Variants in COL11A1 observed in about 807,000 individuals in gnomAD.
COL11A1 encodes collagen alpha-1(XI) chain.
Under a neutral mutation model 265.2 loss-of-function variants are expected in COL11A1, and 74 were observed. The ratio of observed to expected loss-of-function variants is 0.28; its 90% CI spans 0.23 to 0.34. COL11A1 has a LOEUF of 0.34. Among genes scored for constraint, COL11A1 ranks in the 10% least tolerant of loss-of-function variants. The pLI is 1.00. For missense variants in COL11A1, 2,165 were observed against 2,263.6 expected, an observed-to-expected ratio of 0.96 and a Z score of 0.88; for synonymous variants, 816 against 727.6, an observed-to-expected ratio of 1.12 and a Z score of -1.96.
intron 62 of COL11A1, 50 bp downstream of exon 62, chr1:102,888,527 G>T: frequency 6.5e-7 from 1 of 1,531,688 alleles, no homozygotes; most frequent in Non-Finnish European, 9.0e-7. Context: ...ATCATTGGCA[G>T]CTTCCAGATG....
At chr1:103,043,410 C>T (rs974676958) in intron 4 of COL11A1, among the ~76,000 whole-genome samples, 1 of 151,834 alleles carries the variant, frequency 6.6e-6, no homozygotes, top group Non-Finnish European at 1.5e-5. Context: ...ACCAGTCAAT[C>T]TATTTTGTTC....
intron 4 of COL11A1, among the ~76,000 whole-genome samples, chr1:103,064,053 A>G (rs2102216287): frequency 6.6e-6 from 1 of 152,316 alleles, no homozygotes; most frequent in African/African-American, 2.4e-5. Context: ...CAAATTCAAA[A>G]CAGTGATGAC....
chr1:102,890,185 T>G (rs144880078), intron 58 of COL11A1, among the ~76,000 whole-genome samples: 427 of 152,244 alleles, frequency 2.8e-3, no homozygotes, highest in Non-Finnish European at 4.7e-3. Flanking sequence ...TGAATAGTTA[T>G]TTTAGTATAA....
chr1:102,972,456 G>T (rs1488405520), intron 36 of COL11A1, among the ~76,000 whole-genome samples: 1 of 152,048 alleles, frequency 6.6e-6, no homozygotes, highest in African/African-American at 2.4e-5. Flanking sequence ...TAGACTGAGG[G>T]AGTAGTGTTA....
intron 1 of COL11A1, among the ~76,000 whole-genome samples, chr1:103,085,650 A>C (rs2102339514): frequency 6.6e-6 from 1 of 152,338 alleles, no homozygotes. Flanking sequence ...CAAAACATTC[A>C]GAGTAGACCA....
intron 4 of COL11A1, among the ~76,000 whole-genome samples, chr1:103,045,694 T>C (rs1447418379): frequency 2.0e-5 from 3 of 152,136 alleles, no homozygotes; most frequent in Non-Finnish European, 4.4e-5. Flanking sequence ...TGTAGACGTG[T>C]GCCATATTGG....
chr1:102,889,342 T>A lies in COL11A1; in HGVS notation c.4464+113A>T, dbSNP rs1570637391. The stretch of plus-strand genomic sequence containing the variant: ...AGAACATTACTGACTTAAATTAGAA[T>A]TAAGACACTCTAAATTCTTTCTTTG... On this transcript the variant is annotated intron_variant, in intron 59 of 66. Coordinates refer to ENST00000370096, the MANE Select transcript of COL11A1 (RefSeq NM_001854.4). 4 of 815,932 alleles carry A rather than the reference T, an allele frequency of 4.9e-6. No homozygotes were observed. In the East Asian group the frequency reaches 1.0e-4, roughly 20 times the overall value. 50.5% of individuals were successfully genotyped at this position (815,932 alleles called of 1,614,324 possible). A position where few individuals can be genotyped will look rare whatever the true frequency, so the allele number is the denominator to read the frequency against.
At chr1:102,878,535 A>G (rs574778111) in intron 66 of COL11A1, among the ~76,000 whole-genome samples, 183 of 60,264 alleles carry the variant, frequency 3.0e-3, no homozygotes, top group African/African-American at 0.01. Flanking sequence ...TTTTTTTTTG[A>G]GATGAAGTTT....
intron 49 of COL11A1, among the ~76,000 whole-genome samples, chr1:102,919,655 G>C (rs937042141): frequency 6.6e-6 from 1 of 151,728 alleles, no homozygotes; most frequent in African/African-American, 2.4e-5. Context: ...GAGCATGAAT[G>C]CATAAATAAG....
intron 4 of COL11A1, among the ~76,000 whole-genome samples, chr1:103,066,178 A>G (rs964575272): frequency 6.6e-6 from 1 of 152,126 alleles, no homozygotes; most frequent in Non-Finnish European, 1.5e-5. Flanking sequence ...AGTGTATCCT[A>G]GAAAAATATG....
At chr1:102,922,017 T>C (rs538215637) in intron 47 of COL11A1, among the ~76,000 whole-genome samples, 10 of 152,362 alleles carry the variant, frequency 6.6e-5, no homozygotes, top group African/African-American at 2.4e-4. Context: ...AGGTTCTATA[T>C]GCTAGAATTA....
intron 3 of COL11A1, among the ~76,000 whole-genome samples, chr1:103,075,668 C>A (rs1571222606): frequency 6.6e-6 from 1 of 151,892 alleles, no homozygotes. Flanking sequence ...ATTCTGCAAG[C>A]CAGTCTGGTT....
intron 42 of COL11A1, among the ~76,000 whole-genome samples, chr1:102,944,955 T>G (rs1659099712): frequency 6.6e-6 from 1 of 152,194 alleles, no homozygotes; most frequent in Non-Finnish European, 1.5e-5. Context: ...CTCAGCATAT[T>G]AAAAGTGCTT....
At chr1:103,066,914 G>A (rs774252740) in intron 4 of COL11A1, among the ~76,000 whole-genome samples, 6 of 151,754 alleles carry the variant, frequency 4.0e-5, no homozygotes, top group Non-Finnish European at 8.8e-5. Flanking sequence ...TAAAGTAGAC[G>A]TCAAGGCAAA....
Position 103,002,472 on chromosome 1 carries a change from C to T in COL11A1, c.2053G>A (p.Gly685Arg). 1 of 1,609,440 alleles carries T rather than the reference C, an allele frequency of 6.2e-7. No homozygotes were observed. The highest frequency in any genetic ancestry group is 8.5e-7 in the Non-Finnish European group (1 of 1,177,982). The change falls in exon 23 of 67, where the codon GGG becomes AGG. Residue 685 changes from glycine to arginine, a missense_variant. Physicochemically the swap from Gly to Arg is moderately radical, Grantham distance 125. Coordinates refer to ENST00000370096, the MANE Select transcript of COL11A1 (RefSeq NM_001854.4). ...TGTTGACCTGGAGGCCCAGGCTCCC[C>T]TTGGGGACCCTGCCAGAGGAAAATA... ...PGPKGNMGPQGEPGPPGQQGN... is the reference protein window; with the variant it reads ...PGPKGNMGPQREPGPPGQQGN...
intron 5 of COL11A1, 88 bp from the exon 6 acceptor site, chr1:103,026,420 T>G: frequency 1.2e-6 from 1 of 861,898 alleles, no homozygotes; most frequent in Non-Finnish European, 2.0e-6. Flanking sequence ...TTTTACATAG[T>G]GTAAATGTTA....
chr1:102,899,150 C>T (rs919068764), intron 54 of COL11A1, among the ~76,000 whole-genome samples, 156 bp from the exon 55 acceptor site: 14 of 151,714 alleles, frequency 9.2e-5, no homozygotes, highest in Non-Finnish European at 2.1e-4. Context: ...AAAATCAAAA[C>T]CCATTTTATG....
In COL11A1 at chr1:103,074,749, T is replaced by C. The variant is rs1671842281; in HGVS notation, c.520A>G (p.Lys174Glu). Residue 174 changes from lysine to glutamate, a missense_variant, in exon 4 of 67, where the codon AAA becomes GAA. Transcript: ENST00000370096. ...WHRVAISVEK[K>E]TVTMIVDCKK... ...CAATCAACAATCATTGTCACAGTTT[T>C]CTTCTCCACGCTGATTGCTACCCGA... 6.2e-7 allele frequency: 1 copy of C among 1,613,336 alleles called. No individual in the cohort carries two copies. The highest frequency in any genetic ancestry group is 8.5e-7 in the Non-Finnish European group (1 of 1,179,578).
At chr1:102,967,314 C>G (rs1260004212) in intron 37 of COL11A1, among the ~76,000 whole-genome samples, 1 of 128,394 alleles carries the variant, frequency 7.8e-6, no homozygotes, top group Non-Finnish European at 1.6e-5. Flanking sequence ...GATCTCGGCT[C>G]ACTGCAAGCT....
Sources: allele counts gnomAD v4.1 joint callset (sites outside exome capture counted in the v4.1 genomes callset), GRCh38; gene constraint gnomAD v4.1.1; transcripts MANE v1.5; gene names NCBI Gene and HGNC (gene_info 2026-07-23, HGNC 2026-07-21).